DESI2: variants seen among roughly 807,000 people sequenced by gnomAD.
DESI2 encodes the protein deubiquitinase DESI2.
Under a neutral mutation model 24.1 loss-of-function variants are expected in DESI2, and 10 were observed. That is an observed-to-expected ratio of 0.41 (90% CI 0.26 to 0.70). The LOEUF is 0.70. Among genes scored for constraint, DESI2 ranks in the 30% least tolerant of loss-of-function variants. DESI2 has a pLI of 0.29. For missense variants in DESI2, 122 were observed against 234.9 expected, an observed-to-expected ratio of 0.52 and a Z score of 3.14; for synonymous variants, 71 against 87.7, an observed-to-expected ratio of 0.81 and a Z score of 1.06.
chr1:244,692,144 G>C lies in DESI2; in HGVS notation c.351+124G>C, dbSNP rs1056748888. 3.6e-6 allele frequency: 3 copies of C among 844,542 alleles called. No individual in the cohort carries two copies. The Admixed American group carries it at 1.0e-4, about 29-fold the overall frequency. The allele number at this position is 844,542 out of a possible 1,614,324, so 52.3% of individuals were successfully genotyped here. A position where few individuals can be genotyped will look rare whatever the true frequency, so the allele number is the denominator to read the frequency against. ...GATTTTTTGTGTTGTATGAAATATG[G>C]TATTGTATTTCAATCTTGTATGAAT... On this transcript the variant is annotated intron_variant, in intron 4 of 4. Coordinates refer to ENST00000302550, the MANE Select transcript of DESI2 (RefSeq NM_016076.5).
intron 4 of DESI2, among the ~76,000 whole-genome samples, chr1:244,702,885 G>C (rs577311074): frequency 6.6e-6 from 1 of 152,080 alleles, no homozygotes; most frequent in Admixed American, 6.5e-5. Context: ...GGCAACAGTC[G>C]CTATCACATT....
chr1:244,653,524 G>A, intron 1 of DESI2, 169 bp downstream of exon 1: 2 of 636,114 alleles, frequency 3.1e-6, no homozygotes, highest in Non-Finnish European at 2.5e-6. Flanking sequence ...TTTAATCCTC[G>A]CACTCGTCGA....
intron 4 of DESI2, among the ~76,000 whole-genome samples, chr1:244,697,039 A>T (rs951544476): frequency 6.6e-5 from 10 of 152,140 alleles, no homozygotes; most frequent in African/African-American, 2.4e-4. Context: ...GGATCCTTAA[A>T]GCTTGTGCCT....
At chr1:244,668,750 G>C (rs969186814) in intron 1 of DESI2, among the ~76,000 whole-genome samples, 4 of 152,094 alleles carry the variant, frequency 2.6e-5, no homozygotes, top group African/African-American at 9.7e-5. Flanking sequence ...TTTAATGAAC[G>C]TTCTCTATCT....
chr1:244,691,067 A>G (rs1419060898), intron 3 of DESI2, among the ~76,000 whole-genome samples: 2 of 152,166 alleles, frequency 1.3e-5, no homozygotes, highest in East Asian at 3.9e-4. Flanking sequence ...TCGCCTTTCC[A>G]AGGTAGTAGT....
At chr1:244,661,179 C>T (rs1675826899) in intron 1 of DESI2, among the ~76,000 whole-genome samples, 1 of 152,180 alleles carries the variant, frequency 6.6e-6, no homozygotes, top group African/African-American at 2.4e-5. Flanking sequence ...CCCCATTTCT[C>T]CCTCCCCTCA....
At chr1:244,678,969 G>T (rs2813916) in intron 1 of DESI2, among the ~76,000 whole-genome samples, 149,224 of 152,352 alleles carry the variant, frequency 0.98, 73,155 homozygotes, top group East Asian at 1. Context: ...AAACCACTAC[G>T]TGGAGAAAGC....
intron 1 of DESI2, among the ~76,000 whole-genome samples, chr1:244,676,169 C>G (rs1033548964): frequency 6.6e-6 from 1 of 151,994 alleles, no homozygotes; most frequent in African/African-American, 2.4e-5. Context: ...CTCCACCTCC[C>G]TGGTTCAGGC....
intron 1 of DESI2, among the ~76,000 whole-genome samples, chr1:244,654,208 T>C (rs1675569460): frequency 6.6e-6 from 1 of 152,304 alleles, no homozygotes; most frequent in Non-Finnish European, 1.5e-5. Context: ...GTTAGATGCA[T>C]GTTTGGGTGT....
intron 1 of DESI2, among the ~76,000 whole-genome samples, chr1:244,657,656 A>G (rs938066148): frequency 6.6e-6 from 1 of 152,240 alleles, no homozygotes; most frequent in Non-Finnish European, 1.5e-5. Flanking sequence ...CAGCTGTGCC[A>G]TCAAGAACCA....
intron 1 of DESI2, among the ~76,000 whole-genome samples, chr1:244,664,608 G>A (rs1400712404): frequency 6.6e-6 from 1 of 152,220 alleles, no homozygotes; most frequent in Non-Finnish European, 1.5e-5. Context: ...TGAGATGGGA[G>A]GATTGCCTCA....
intron 4 of DESI2, among the ~76,000 whole-genome samples, chr1:244,699,875 T>C (rs1677375923): frequency 6.6e-6 from 1 of 152,212 alleles, no homozygotes; most frequent in Non-Finnish European, 1.5e-5. Flanking sequence ...TGCAAGCACT[T>C]TGAATTCAAA....
intron 1 of DESI2, among the ~76,000 whole-genome samples, chr1:244,668,843 C>A (rs1194657802): frequency 6.6e-6 from 1 of 152,096 alleles, no homozygotes; most frequent in Non-Finnish European, 1.5e-5. Context: ...AATATTTAGG[C>A]CAGTTTTTTC....
chr1:244,701,600 T>C (rs896854186), intron 4 of DESI2, among the ~76,000 whole-genome samples: 6 of 152,218 alleles, frequency 3.9e-5, no homozygotes, highest in African/African-American at 1.2e-4. Flanking sequence ...AAACCTAATG[T>C]TGGAGTCCAG....
intron 4 of DESI2, among the ~76,000 whole-genome samples, chr1:244,703,745 G>A (rs1306676443): frequency 6.6e-6 from 1 of 150,442 alleles, no homozygotes; most frequent in Non-Finnish European, 1.5e-5. Flanking sequence ...TGCAAGCTCC[G>A]CCTCCCAGAT....
At chr1:244,702,885 G>A (rs577311074) in intron 4 of DESI2, among the ~76,000 whole-genome samples, 2 of 152,198 alleles carry the variant, frequency 1.3e-5, no homozygotes, top group South Asian at 2.1e-4. Context: ...GGCAACAGTC[G>A]CTATCACATT....
intron 1 of DESI2, among the ~76,000 whole-genome samples, chr1:244,666,780 T>C (rs1434739682): frequency 1.3e-5 from 2 of 152,134 alleles, no homozygotes. Flanking sequence ...TAACTGAAAC[T>C]GGGAACAAAA....
chr1:244,686,794 A>C, intron 2 of DESI2, 125 bp downstream of exon 2: 1 of 584,256 alleles, frequency 1.7e-6, no homozygotes, highest in East Asian at 3.0e-5. Flanking sequence ...AAGTAGAAGA[A>C]AATCTCCCCA....
chr1:244,669,794 A>G (rs1283064133), intron 1 of DESI2, among the ~76,000 whole-genome samples: 1 of 152,148 alleles, frequency 6.6e-6, no homozygotes, highest in Non-Finnish European at 1.5e-5. Context: ...TACTATCTCC[A>G]TGGACTTAAG....
Sources: allele counts gnomAD v4.1 joint callset (sites outside exome capture counted in the v4.1 genomes callset), GRCh38; gene constraint gnomAD v4.1.1; transcripts MANE v1.5; gene names NCBI Gene and HGNC (gene_info 2026-07-23, HGNC 2026-07-21).